Variants in ASIC2 observed in about 807,000 individuals in gnomAD.
ASIC2 encodes the protein acid sensing ion channel subunit 2, also known as acid-sensing ion channel 2.
A neutral mutation model predicts 57.3 loss-of-function variants in ASIC2; 25 were observed. The observed-to-expected ratio is 0.44, with a 90% CI of 0.32 to 0.61. ASIC2 has a LOEUF of 0.61. Ranked by LOEUF, ASIC2 falls within the 20% of genes least tolerant of loss-of-function variation. The pLI is 0.06. For synonymous variants in ASIC2, 319 were observed against 307.5 expected (o/e 1.04, Z -0.39); for missense variants, 641 against 738.1 (o/e 0.87, Z 1.52).
rs1907913190 is a variant in ASIC2, at chr17:33,227,183, G to A, written c.708+64225C>T. On this transcript the variant is annotated intron_variant, in intron 1 of 9. Transcript: ENST00000225823. ...TGTTGCCCAGCATAGACTGTCAGTG[G>A]GGCAGGCCTGGGCTTAGCACAGAAC... Among the ~76,000 whole-genome samples, 4 of 152,322 alleles carry A rather than the reference G, an allele frequency of 2.6e-5. No individual in the cohort carries two copies. The South Asian group carries it at 8.3e-4, about 32-fold the overall frequency.
intron 1 of ASIC2, among the ~76,000 whole-genome samples, chr17:33,775,471 C>T (rs554206753): frequency 2.4e-4 from 37 of 152,054 alleles, no homozygotes; most frequent in Non-Finnish European, 4.1e-4. Flanking sequence ...ATGAAGAGTA[C>T]GTGAGCAAAT....
chr17:34,064,923 G>A (rs2142063253), intron 1 of ASIC2, among the ~76,000 whole-genome samples: 1 of 152,292 alleles, frequency 6.6e-6, no homozygotes, highest in South Asian at 2.1e-4. Flanking sequence ...ACTTCCACAT[G>A]GCTAGTGGGA....
chr17:34,086,385 T>G (rs1230326000), intron 1 of ASIC2, among the ~76,000 whole-genome samples: 1 of 152,238 alleles, frequency 6.6e-6, no homozygotes, highest in African/African-American at 2.4e-5. Flanking sequence ...CTAATTTGAT[T>G]GCACTGTGGT....
intron 1 of ASIC2, among the ~76,000 whole-genome samples, chr17:33,585,779 G>A (rs1386635549): frequency 6.6e-6 from 1 of 152,106 alleles, no homozygotes; most frequent in Non-Finnish European, 1.5e-5. Context: ...CGCTAGTCTC[G>A]ATGTTTTATC....
chr17:33,281,945 C>T (rs926996942), intron 1 of ASIC2, among the ~76,000 whole-genome samples: 2 of 152,226 alleles, frequency 1.3e-5, no homozygotes, highest in African/African-American at 4.8e-5. Flanking sequence ...CACCTCCTTT[C>T]TAAGTTTCTG....
At chr17:33,351,543 T>C (rs908325180) in intron 1 of ASIC2, among the ~76,000 whole-genome samples, 2 of 152,178 alleles carry the variant, frequency 1.3e-5, no homozygotes, top group Non-Finnish European at 2.9e-5. Flanking sequence ...CTTTTCTCCA[T>C]GGGATACTCC....
intron 1 of ASIC2, among the ~76,000 whole-genome samples, chr17:33,535,503 C>T (rs1597772306): frequency 6.6e-6 from 1 of 151,998 alleles, no homozygotes; most frequent in South Asian, 2.1e-4. Flanking sequence ...GTCTCAATCT[C>T]CTGCCCTCAT....
At chr17:33,228,061 G>A (rs319747) in intron 1 of ASIC2, among the ~76,000 whole-genome samples, 118,188 of 152,126 alleles carry the variant, frequency 0.78, 46,552 homozygotes, top group African/African-American at 0.89. Flanking sequence ...CAGGGACAGT[G>A]TACTCCACAT....
At chr17:33,531,723 C>T (rs1023876554) in intron 1 of ASIC2, among the ~76,000 whole-genome samples, 3 of 152,202 alleles carry the variant, frequency 2.0e-5, no homozygotes, top group African/African-American at 7.2e-5. Context: ...TTCTTTCCTC[C>T]ATCCTCTACG....
At chr17:33,344,083 G>A (rs1221955640) in intron 1 of ASIC2, among the ~76,000 whole-genome samples, 1 of 152,180 alleles carries the variant, frequency 6.6e-6, no homozygotes, top group Admixed American at 6.5e-5. Context: ...ACAACATGGC[G>A]TCAAAATTGG....
intron 1 of ASIC2, among the ~76,000 whole-genome samples, chr17:34,093,568 C>T (rs574047098): frequency 1.3e-5 from 2 of 152,220 alleles, no homozygotes; most frequent in Admixed American, 6.5e-5. Context: ...AGCTCCAGTT[C>T]AGGCATAGGA....
chr17:33,037,389 CTTTTTTTT>C (rs35286664), intron 3 of ASIC2, among the ~76,000 whole-genome samples: 3 of 123,830 alleles, frequency 2.4e-5, no homozygotes, highest in Non-Finnish European at 3.3e-5. Flanking sequence ...ACTTCCCCCT[CTTTTTTTT>C]TTTTTTTTTT....
intron 1 of ASIC2, among the ~76,000 whole-genome samples, chr17:34,140,762 A>C (rs998398557): frequency 6.6e-6 from 1 of 152,210 alleles, no homozygotes; most frequent in African/African-American, 2.4e-5. Flanking sequence ...TAAATAAATA[A>C]AGAGAAAAAA....
chr17:33,711,615 A>T (rs1909038758), intron 1 of ASIC2, among the ~76,000 whole-genome samples: 3 of 152,216 alleles, frequency 2.0e-5, no homozygotes. Context: ...GGGCCTCAGG[A>T]AATTTACAAT....
chr17:34,034,220 T>A (rs1277097376), intron 1 of ASIC2, among the ~76,000 whole-genome samples: 2 of 152,174 alleles, frequency 1.3e-5, no homozygotes, highest in Admixed American at 1.3e-4. Flanking sequence ...TGCAAATCAA[T>A]AAATGTAATC....
chr17:33,767,483 C>G (rs945694010), intron 1 of ASIC2, among the ~76,000 whole-genome samples: 2 of 152,164 alleles, frequency 1.3e-5, no homozygotes, highest in South Asian at 2.1e-4. Context: ...TTTCCACAAG[C>G]AGGAAATCCA....
chr17:33,015,149 G>T (rs145444346), intron 9 of ASIC2, among the ~76,000 whole-genome samples: 1 of 152,170 alleles, frequency 6.6e-6, no homozygotes, highest in Non-Finnish European at 1.5e-5. Context: ...TAGGGAGAAG[G>T]GGCTGGGATC....
At chr17:33,309,581 TCACCTCCACCTC>T (rs1181639181) in intron 1 of ASIC2, among the ~76,000 whole-genome samples, 2 of 152,070 alleles carry the variant, frequency 1.3e-5, no homozygotes, top group African/African-American at 4.8e-5. Flanking sequence ...ACCTTCACCT[TCACCTCCACCTC>T]CACTGTCCCC....
chr17:33,584,143 A>C (rs1222554357), intron 1 of ASIC2, among the ~76,000 whole-genome samples: 1 of 152,202 alleles, frequency 6.6e-6, no homozygotes, highest in East Asian at 1.9e-4. Context: ...CTAGGTCATA[A>C]ACACTGGATA....
Sources: gnomAD v4.1 joint callset for allele counts (sites outside exome capture counted in the v4.1 genomes callset) on GRCh38, gnomAD v4.1.1 for gene constraint, MANE v1.5 for transcripts, NCBI Gene and HGNC (gene_info 2026-07-23, HGNC 2026-07-21) for gene names.